NAALADL2: variants seen among roughly 807,000 people sequenced by gnomAD.
NAALADL2 encodes the protein inactive N-acetylated-alpha-linked acidic dipeptidase-like protein 2.
Under a neutral mutation model 87.2 loss-of-function variants are expected in NAALADL2, and 76 were observed. The ratio of observed to expected loss-of-function variants is 0.87; its 90% CI spans 0.72 to 1.05. The LOEUF (loss-of-function observed/expected upper bound fraction) is 1.05, where lower values mean the gene tolerates loss of function less well. Among genes scored for constraint, NAALADL2 ranks in the 50% least tolerant of loss-of-function variants. The pLI is 0.00. For missense variants in NAALADL2, 1,089 were observed against 945.8 expected, an observed-to-expected ratio of 1.15 and a Z score of -1.99; for synonymous variants, 354 against 331.0, an observed-to-expected ratio of 1.07 and a Z score of -0.75.
At chr3:175,297,137 G>T (rs1450612205) in intron 4 of NAALADL2, among the ~76,000 whole-genome samples, 1 of 152,138 alleles carries the variant, frequency 6.6e-6, no homozygotes, top group Non-Finnish European at 1.5e-5. Flanking sequence ...CAGAAGTCAA[G>T]TCGTTACAAC....
At chr3:174,995,538 A>G (rs1482757030) in intron 1 of NAALADL2, among the ~76,000 whole-genome samples, 1 of 152,188 alleles carries the variant, frequency 6.6e-6, no homozygotes, top group African/African-American at 2.4e-5. Context: ...GATGAATTGC[A>G]GGTTTTTCAG....
intron 11 of NAALADL2, among the ~76,000 whole-genome samples, chr3:175,730,682 G>A (rs1279824163): frequency 6.6e-6 from 1 of 151,512 alleles, no homozygotes; most frequent in Non-Finnish European, 1.5e-5. Flanking sequence ...TTGCAATGTG[G>A]TGATTATTAA....
chr3:174,920,670 T>G (rs138855669), intron 1 of NAALADL2, among the ~76,000 whole-genome samples: 58 of 152,330 alleles, frequency 3.8e-4, no homozygotes, highest in African/African-American at 1.3e-3. Context: ...CACTTTTAAT[T>G]TCTTTTATGA....
intron 1 of NAALADL2, among the ~76,000 whole-genome samples, chr3:174,958,422 A>G (rs1039576886): frequency 6.6e-6 from 1 of 152,016 alleles, no homozygotes. Context: ...GGAAGCACAG[A>G]TAATAAGATA....
intron 3 of NAALADL2, among the ~76,000 whole-genome samples, chr3:174,834,889 C>T (rs1723152663): frequency 6.6e-6 from 1 of 151,572 alleles, no homozygotes. Context: ...CATTTAATCA[C>T]TGTAAAATCT....
In NAALADL2 at chr3:174,953,564, A is replaced by G. The variant is rs118049427; in HGVS notation, c.43+94114A>G. 3.9e-5 allele frequency among the ~76,000 whole-genome samples: 6 copies of G among 152,048 alleles called. No homozygotes were observed. In the East Asian group the frequency reaches 1.2e-3, roughly 30 times the overall value. ...TGTTGCCTCCTTTGTATAATATGAAACAATAACAATAAATTTGGCTGGGTA... is the reference window on the plus strand; with the variant it reads ...TGTTGCCTCCTTTGTATAATATGAAGCAATAACAATAAATTTGGCTGGGTA... On this transcript the variant is annotated intron_variant, in intron 1 of 13. Transcript: ENST00000454872.
intron 9 of NAALADL2, among the ~76,000 whole-genome samples, chr3:175,574,092 G>A (rs1718506781): frequency 6.6e-6 from 1 of 152,078 alleles, no homozygotes; most frequent in Non-Finnish European, 1.5e-5. Flanking sequence ...ATTATTATAT[G>A]TTTATAACAT....
rs371006136 is a variant in NAALADL2, at chr3:175,097,171, T to C, written c.425T>C (p.Ile142Thr). 17 of 1,613,694 alleles carry C rather than the reference T, an allele frequency of 1.1e-5. No individual in the cohort carries two copies. The Middle Eastern group carries it at 4.9e-4, about 47-fold the overall frequency. ...ATILFIFGIL[I>T]GYYVHTNCPS... ...ATTTTATTTATTTTTGGGATTTTGA[T>C]AGGTTATTATGTACATACAAATTGC... is the stretch of plus-strand genomic sequence containing the variant. Residue 142 changes from isoleucine to threonine, a missense_variant, in exon 2 of 14, where the codon ATA becomes ACA. By Grantham distance (89) the Ile-to-Thr change is moderately conservative. Coordinates refer to ENST00000454872, the MANE Select transcript of NAALADL2 (RefSeq NM_207015.3).
At chr3:175,639,137 C>T (rs892705351) in intron 11 of NAALADL2, among the ~76,000 whole-genome samples, 12 of 152,120 alleles carry the variant, frequency 7.9e-5, no homozygotes, top group African/African-American at 2.4e-4. Flanking sequence ...CGCCATAAAG[C>T]ATCATGTTTG....
chr3:174,471,528 A>G (rs1461083831), intron 1 of NAALADL2, among the ~76,000 whole-genome samples: 24 of 151,820 alleles, frequency 1.6e-4, no homozygotes, highest in Admixed American at 1.6e-3. Context: ...GATCCAGCCT[A>G]TTGTTTTCTA....
At chr3:175,060,771 AG>A (rs778359734) in intron 1 of NAALADL2, among the ~76,000 whole-genome samples, 55 of 152,188 alleles carry the variant, frequency 3.6e-4, no homozygotes, top group Non-Finnish European at 7.4e-4. Context: ...CTTCATTCTG[AG>A]TGCCGTGGCT....
chr3:175,528,698 G>A (rs929896681), intron 9 of NAALADL2, among the ~76,000 whole-genome samples: 1 of 152,106 alleles, frequency 6.6e-6, no homozygotes, highest in African/African-American at 2.4e-5. Context: ...TTGCACAACT[G>A]AAAATGCACT....
At chr3:174,493,367 CAGCCATCT>C (rs919142231) in intron 1 of NAALADL2, among the ~76,000 whole-genome samples, 1 of 152,092 alleles carries the variant, frequency 6.6e-6, no homozygotes, top group African/African-American at 2.4e-5. Flanking sequence ...AGGAAGAAGA[CAGCCATCT>C]AGTCAAGGAG....
intron 3 of NAALADL2, among the ~76,000 whole-genome samples, chr3:175,238,440 T>C (rs533904157): frequency 4.6e-5 from 7 of 152,294 alleles, no homozygotes; most frequent in African/African-American, 1.7e-4. Flanking sequence ...CACCTTGTAT[T>C]TGAAGAACAT....
chr3:174,820,776 A>G (rs1396459909), intron 3 of NAALADL2, among the ~76,000 whole-genome samples: 1 of 152,026 alleles, frequency 6.6e-6, no homozygotes, highest in Non-Finnish European at 1.5e-5. Context: ...CCAGTCAGTT[A>G]ATTTAATAAA....
chr3:174,547,393 G>C (rs1183692751), intron 1 of NAALADL2, among the ~76,000 whole-genome samples: 1 of 152,070 alleles, frequency 6.6e-6, no homozygotes, highest in Non-Finnish European at 1.5e-5. Flanking sequence ...TAAGCTCTAG[G>C]ATGTGGATTA....
In NAALADL2 at chr3:174,859,401, T is replaced by C; in HGVS notation, c.-7T>C. On this transcript the variant is annotated 5_prime_UTR_variant, in exon 1 of 14. Transcript: ENST00000454872. ...CTGCTTGGCCCTCTTTAAAAAGAAA[T>C]AATAAAATGGGAGAGAATGAAGCAA... is the stretch of plus-strand genomic sequence containing the variant. The C allele has an allele frequency of 6.2e-7, 1 of 1,606,524 alleles. No homozygotes were observed. Among genetic ancestry groups the C allele is most frequent in the Non-Finnish European group, 8.5e-7 (1 of 1,175,588 alleles).
At chr3:174,629,116 A>G (rs544605768) in intron 2 of NAALADL2, among the ~76,000 whole-genome samples, 321 of 152,316 alleles carry the variant, frequency 2.1e-3, no homozygotes, top group African/African-American at 7.2e-3. Context: ...TATTCTTACT[A>G]TCACAGAAAC....
At chr3:175,165,756 T>C (rs1175273759) in intron 2 of NAALADL2, among the ~76,000 whole-genome samples, 2 of 152,122 alleles carry the variant, frequency 1.3e-5, no homozygotes, top group South Asian at 4.1e-4. Flanking sequence ...GTACATCTCT[T>C]GCTGACTCAC....
Sources: gnomAD v4.1 joint callset for allele counts (sites outside exome capture counted in the v4.1 genomes callset) on GRCh38, gnomAD v4.1.1 for gene constraint, MANE v1.5 for transcripts, NCBI Gene and HGNC (gene_info 2026-07-23, HGNC 2026-07-21) for gene names.